Variants in COL25A1 observed in about 807,000 individuals in gnomAD.
The protein encoded by COL25A1 is collagen alpha-1(XXV) chain.
In COL25A1, 103 loss-of-function variants were observed where a neutral mutation model predicts 128.4. That is an observed-to-expected ratio of 0.80 (90% CI 0.68 to 0.94). COL25A1 has a LOEUF of 0.94. COL25A1 is among the 40% of genes least tolerant of loss of function. The pLI, the probability that COL25A1 is intolerant of heterozygous loss-of-function variation, is 0.00. For missense variants in COL25A1, 745 were observed against 840.0 expected, an observed-to-expected ratio of 0.89 and a Z score of 1.40; for synonymous variants, 279 against 277.2, an observed-to-expected ratio of 1.01 and a Z score of -0.06.
chr4:109,054,232 C>CA (rs1761253005), intron 3 of COL25A1, among the ~76,000 whole-genome samples: 1 of 152,140 alleles, frequency 6.6e-6, no homozygotes, highest in Non-Finnish European at 1.5e-5. Context: ...TTACACTATT[C>CA]AAGGAGGCAA....
intron 3 of COL25A1, among the ~76,000 whole-genome samples, chr4:109,082,626 C>T (rs2125996213): frequency 6.6e-6 from 1 of 152,178 alleles, no homozygotes; most frequent in South Asian, 2.1e-4. Flanking sequence ...ATCTTTTGAC[C>T]ATTTTAAAAT....
chr4:108,940,114 T>C (rs1337250546), intron 10 of COL25A1, among the ~76,000 whole-genome samples: 1 of 152,174 alleles, frequency 6.6e-6, no homozygotes, highest in African/African-American at 2.4e-5. Flanking sequence ...TATTGAAACT[T>C]TGGAAAATGT....
intron 3 of COL25A1, among the ~76,000 whole-genome samples, chr4:109,130,560 A>T (rs1388123780): frequency 1.3e-5 from 2 of 149,706 alleles, no homozygotes; most frequent in African/African-American, 2.4e-5. Context: ...AAGGGGAAGG[A>T]GTGAAGCAAA....
chr4:108,980,808 T>C (rs1167941784), intron 6 of COL25A1, among the ~76,000 whole-genome samples: 2 of 152,258 alleles, frequency 1.3e-5, no homozygotes, highest in Non-Finnish European at 2.9e-5. Flanking sequence ...GATAGTCTGC[T>C]GTACAAGCCG....
At chr4:109,143,397 CT>C (rs1443649682) in intron 3 of COL25A1, among the ~76,000 whole-genome samples, 7 of 152,032 alleles carry the variant, frequency 4.6e-5, no homozygotes, top group African/African-American at 1.7e-4. Context: ...GGTTGATCTT[CT>C]CGAGGAGTAT....
At chr4:109,092,491 G>C (rs991866885) in intron 3 of COL25A1, among the ~76,000 whole-genome samples, 3 of 152,028 alleles carry the variant, frequency 2.0e-5, no homozygotes, top group Non-Finnish European at 4.4e-5. Context: ...GCACACATGC[G>C]TGCACACACC....
intron 3 of COL25A1, among the ~76,000 whole-genome samples, chr4:109,090,970 A>G (rs1178608329): frequency 6.6e-6 from 1 of 152,196 alleles, no homozygotes; most frequent in Non-Finnish European, 1.5e-5. Flanking sequence ...ATATATTTAT[A>G]TACAGGAATA....
chr4:109,297,804 C>T, intron 3 of COL25A1, among the ~76,000 whole-genome samples: 1 of 149,414 alleles, frequency 6.7e-6, no homozygotes. Flanking sequence ...ACTAATATAC[C>T]AGACTATTTA....
At chr4:108,956,335 A>T (rs1241482151) in intron 8 of COL25A1, among the ~76,000 whole-genome samples, 22 of 152,202 alleles carry the variant, frequency 1.4e-4, no homozygotes, top group Admixed American at 1.4e-3. Context: ...TGAACAATCT[A>T]CACAGATAAT....
intron 3 of COL25A1, among the ~76,000 whole-genome samples, chr4:109,248,602 C>G (rs549140476): frequency 6.6e-6 from 1 of 152,162 alleles, no homozygotes; most frequent in Non-Finnish European, 1.5e-5. Flanking sequence ...ATCCATCTAT[C>G]TCCACCCATG....
intron 21 of COL25A1, 32 bp from the exon 22 acceptor site, chr4:108,862,577 T>C (rs1737381444): frequency 1.3e-6 from 2 of 1,578,398 alleles, no homozygotes; most frequent in Admixed American, 3.4e-5. Context: ...ATGAAAAAGA[T>C]AAAATTATAG....
intron 33 of COL25A1, 59 bp downstream of exon 33, chr4:108,827,076 C>G: frequency 1.4e-6 from 2 of 1,455,410 alleles, no homozygotes; most frequent in South Asian, 2.3e-5. Flanking sequence ...TTAACCGTGT[C>G]AGTGACTGGT....
At chr4:108,966,840 G>T (rs1751351539) in intron 8 of COL25A1, among the ~76,000 whole-genome samples, 1 of 149,324 alleles carries the variant, frequency 6.7e-6, no homozygotes, top group South Asian at 2.1e-4. Flanking sequence ...AACAGAGTGA[G>T]ACCCTGTCTT....
chr4:109,037,894 T>G (rs1579165969), intron 5 of COL25A1, among the ~76,000 whole-genome samples: 1 of 152,274 alleles, frequency 6.6e-6, no homozygotes, highest in East Asian at 1.9e-4. Context: ...CCAGGAAAGC[T>G]TATCAAATCA....
At chr4:108,942,408 A>C in intron 8 of COL25A1, 1 of 711,048 alleles carries the variant, frequency 1.4e-6, no homozygotes. Flanking sequence ...GACATACCAT[A>C]AACAAAATTA....
At chr4:108,982,653 C>T (rs1353355415) in intron 6 of COL25A1, among the ~76,000 whole-genome samples, 2 of 152,088 alleles carry the variant, frequency 1.3e-5, no homozygotes, top group Non-Finnish European at 2.9e-5. Context: ...AGATTTATAG[C>T]TTCAGACTTT....
At chr4:109,184,893 C>T (rs2526450) in intron 3 of COL25A1, among the ~76,000 whole-genome samples, 82,043 of 152,062 alleles carry the variant, frequency 0.54, 23,871 homozygotes, top group East Asian at 0.69. Context: ...TATTACAAAG[C>T]TCCTGTTTTA....
chr4:109,145,048 T>A (rs2126092052), intron 3 of COL25A1, among the ~76,000 whole-genome samples: 1 of 151,384 alleles, frequency 6.6e-6, no homozygotes, highest in East Asian at 2.0e-4. Flanking sequence ...TAAGCAAAAT[T>A]TTTCAACTAA....
chr4:109,221,332 A>T (rs1219483098), intron 3 of COL25A1, among the ~76,000 whole-genome samples: 1 of 152,138 alleles, frequency 6.6e-6, no homozygotes, highest in African/African-American at 2.4e-5. Flanking sequence ...GTAGAATGAA[A>T]ATCCACGCAA....
Sources: gnomAD v4.1 joint callset for allele counts (sites outside exome capture counted in the v4.1 genomes callset) on GRCh38, gnomAD v4.1.1 for gene constraint, MANE v1.5 for transcripts, NCBI Gene and HGNC (gene_info 2026-07-23, HGNC 2026-07-21) for gene names.